TRIM67: variants seen among roughly 807,000 people sequenced by gnomAD.
TRIM67 encodes the protein tripartite motif-containing protein 67.
Under a neutral mutation model 71.0 loss-of-function variants are expected in TRIM67, and 39 were observed. The observed-to-expected ratio is 0.55, with a 90% CI of 0.43 to 0.72. TRIM67 has a LOEUF of 0.72. Ranked by LOEUF, TRIM67 falls within the 30% of genes least tolerant of loss-of-function variation. The pLI is 0.00. For synonymous variants in TRIM67, 481 were observed against 473.9 expected (o/e 1.01, Z -0.19); for missense variants, 973 against 1,079.2 (o/e 0.90, Z 1.38).
intron 1 of TRIM67, among the ~76,000 whole-genome samples, chr1:231,192,540 A>G (rs1683258869): frequency 6.6e-6 from 1 of 152,184 alleles, no homozygotes; most frequent in South Asian, 2.1e-4. Flanking sequence ...CTCTTTTTCC[A>G]CTAGAATTAT....
In TRIM67 at chr1:231,213,805, C is replaced by T. The variant is rs775772686; in HGVS notation, c.2124-10C>T. The stretch of plus-strand genomic sequence containing the variant: ...TGTGGTGATGGTCTTCCTGGGGACT[C>T]TCTTCCCAGGACGGAAGGTGGCGTG... On this transcript the variant is annotated splice_polypyrimidine_tract_variant and intron_variant, in intron 8 of 9. Coordinates refer to ENST00000366653, the MANE Select transcript of TRIM67 (RefSeq NM_001004342.5). 1.9e-6 allele frequency: 3 copies of T among 1,572,930 alleles called. No individual in the cohort carries two copies. The Admixed American group carries it at 5.4e-5, about 28-fold the overall frequency.
chr1:231,200,313 C>T (rs910319497), intron 4 of TRIM67, 55 bp downstream of exon 4: 13 of 1,200,356 alleles, frequency 1.1e-5, no homozygotes, highest in African/African-American at 9.0e-5. Context: ...TCCCACTGTT[C>T]CCCAAATCAG....
intron 1 of TRIM67, chr1:231,187,492 A>G: frequency 6.6e-7 from 1 of 1,507,590 alleles, no homozygotes; most frequent in Non-Finnish European, 8.8e-7. Context: ...ATTATCAGCC[A>G]CAGGTTAAAA....
intron 1 of TRIM67, among the ~76,000 whole-genome samples, chr1:231,188,789 C>A (rs1198554469): frequency 6.6e-6 from 1 of 152,152 alleles, no homozygotes; most frequent in Non-Finnish European, 1.5e-5. Context: ...ACTTAGCAAG[C>A]TGTCGGTTGT....
intron 9 of TRIM67, among the ~76,000 whole-genome samples, chr1:231,214,211 G>A (rs1170146615): frequency 2.0e-5 from 3 of 152,180 alleles, no homozygotes; most frequent in Non-Finnish European, 4.4e-5. Context: ...CAGACCTCAG[G>A]ACTGAGCTCA....
intron 1 of TRIM67, among the ~76,000 whole-genome samples, chr1:231,194,544 G>A (rs1384114101): frequency 1.3e-5 from 2 of 152,172 alleles, no homozygotes; most frequent in African/African-American, 2.4e-5. Flanking sequence ...AAGGAGAAGG[G>A]AGAGCTCCTC....
At chr1:231,214,137 C>A (rs115340471) in intron 9 of TRIM67, among the ~76,000 whole-genome samples, 160 bp downstream of exon 9, 1,911 of 152,284 alleles carry the variant, frequency 0.013, 50 homozygotes, top group African/African-American at 0.044. Flanking sequence ...TTCCTGGAGG[C>A]GTTCCGTTCT....
At position 231,216,783 on chromosome 1, in the gene TRIM67, C is replaced by G; in HGVS notation, c.*1343C>G. The G allele has an allele frequency of 1.0e-6, 1 of 985,528 alleles. No individual in the cohort carries two copies. The highest frequency in any genetic ancestry group is 4.7e-5 in the South Asian group (1 of 21,288). The allele number at this position is 985,528 out of a possible 1,614,324, so 61.0% of individuals were successfully genotyped here. On this transcript the variant is annotated 3_prime_UTR_variant, in exon 10 of 10. Transcript: ENST00000366653. ...GAGATCCACATTGATTCATCCACAC[C>G]TCTCAGAGACAGCTCATGGCAGGGG...
chr1:231,193,503 G>T (rs78663657), intron 1 of TRIM67, among the ~76,000 whole-genome samples: 3 of 81,996 alleles, frequency 3.7e-5, no homozygotes, highest in Admixed American at 1.6e-4. Context: ...TCTCTCTCAA[G>T]CTCTCTCTCT....
rs1028641111 is a variant in TRIM67, at chr1:231,219,131, C to T, written c.*3691C>T. On this transcript the variant is annotated 3_prime_UTR_variant, in exon 10 of 10. Coordinates refer to ENST00000366653, the MANE Select transcript of TRIM67 (RefSeq NM_001004342.5). ...AGGGTCAATCCTTAGGGGGAGTCAA[C>T]ATGTGAATGCTAAAGAACACTGCTG... 1.7e-5 allele frequency: 17 copies of T among 985,328 alleles called. No individual in the cohort carries two copies. The highest frequency in any genetic ancestry group is 1.8e-5 in the Non-Finnish European group (15 of 830,000). The allele number at this position is 985,328 out of a possible 1,614,324, so 61.0% of individuals were successfully genotyped here. A position where few individuals can be genotyped will look rare whatever the true frequency, so the allele number is the denominator to read the frequency against.
At chr1:231,176,912 A>AAAC (rs1682765200) in intron 1 of TRIM67, among the ~76,000 whole-genome samples, 4 of 150,048 alleles carry the variant, frequency 2.7e-5, no homozygotes, top group African/African-American at 1.0e-4. Flanking sequence ...CTGGCAAAAA[A>AAAC]AAAAAAAAAA....
Position 231,220,171 on chromosome 1 carries a change from G to A in TRIM67, c.*4731G>A. ...ATTCAGTGACTCAAACCTGTGGGGG[G>A]CGTTCCAGTGTTCTCTGACCAGTGT... On this transcript the variant is annotated 3_prime_UTR_variant, in exon 10 of 10. Transcript: ENST00000366653. 1 of 375,462 alleles carries A rather than the reference G, an allele frequency of 2.7e-6. No individual in the cohort carries two copies. Among genetic ancestry groups the A allele is most frequent in the Non-Finnish European group, 5.1e-6 (1 of 196,448 alleles). The allele number at this position is 375,462 out of a possible 1,614,324, so 23.3% of individuals were successfully genotyped here.
rs1345381478 is a variant in TRIM67 at position 231,220,192 on chromosome 1, A to G, written c.*4752A>G. 1 of 350,566 alleles carries G rather than the reference A, an allele frequency of 2.9e-6. No individual in the cohort carries two copies. Among genetic ancestry groups the G allele is most frequent in the African/African-American group, 2.1e-5 (1 of 46,638 alleles). 21.7% of individuals were successfully genotyped at this position (350,566 alleles called of 1,614,324 possible). ...GGGGGCGTTCCAGTGTTCTCTGACCAGTGTCTTCCATCCAAGCCTCCTTGT... is the reference window on the plus strand; with the variant it reads ...GGGGGCGTTCCAGTGTTCTCTGACCGGTGTCTTCCATCCAAGCCTCCTTGT... On this transcript the variant is annotated 3_prime_UTR_variant, in exon 10 of 10. Transcript: ENST00000366653.
Position 231,209,363 on chromosome 1 carries a change from T to C in TRIM67, c.2123+113T>C. ...AAAGCCAGGAGGAATTGAGAGGAGG[T>C]ATTTTCAGCCACTTTGGTCTCCATT... On this transcript the variant is annotated intron_variant, in intron 8 of 9. Transcript: ENST00000366653. The surrounding 1 kb of genome is among the most constrained non-coding windows in gnomAD (Gnocchi z 4.1). 1 of 1,229,848 alleles carries C rather than the reference T, an allele frequency of 8.1e-7. No homozygotes were observed. The highest frequency in any genetic ancestry group is 1.1e-6 in the Non-Finnish European group (1 of 912,756). The allele number at this position is 1,229,848 out of a possible 1,614,324, so 76.2% of individuals were successfully genotyped here.
chr1:231,169,409 C>T (rs1429836882), intron 1 of TRIM67, among the ~76,000 whole-genome samples: 3 of 115,502 alleles, frequency 2.6e-5, no homozygotes, highest in Non-Finnish European at 3.4e-5. Flanking sequence ...AACGTTTCTG[C>T]TCTTATAACC....
intron 7 of TRIM67, among the ~76,000 whole-genome samples, chr1:231,207,734 T>A (rs1359772188): frequency 1.3e-5 from 2 of 152,210 alleles, no homozygotes; most frequent in African/African-American, 4.8e-5. Context: ...AGAGTCACTT[T>A]GTACACCCCT....
chr1:231,209,144 G>C lies in TRIM67; in HGVS notation c.2017G>C (p.Ala673Pro). 6.2e-7 allele frequency: 1 copy of C among 1,613,870 alleles called. No individual in the cohort carries two copies. Among genetic ancestry groups the C allele is most frequent in the Non-Finnish European group, 8.5e-7 (1 of 1,179,828 alleles). ...HPDPAFGVARASVVKDMMLGK... is the reference protein window; with the variant it reads ...HPDPAFGVARPSVVKDMMLGK... ...AGACCCCGCCTTCGGGGTGGCCAGG[G>C]CCAGCGTGGTCAAGGACATGATGCT... is the stretch of plus-strand genomic sequence containing the variant. The change falls in exon 8 of 10, where the codon GCC becomes CCC. Residue 673 changes from alanine to proline, a missense_variant. This residue lies in a region of TRIM67 where 178 missense variants were observed against 247.9 expected (regional missense o/e 0.72). Coordinates refer to ENST00000366653, the MANE Select transcript of TRIM67 (RefSeq NM_001004342.5). This position sits in a 1 kb window ranked among gnomAD's most constrained non-coding sequence, Gnocchi z 4.1.
At chr1:231,207,738 C>T (rs942380097) in intron 7 of TRIM67, among the ~76,000 whole-genome samples, 1 of 152,196 alleles carries the variant, frequency 6.6e-6, no homozygotes, top group Non-Finnish European at 1.5e-5. Flanking sequence ...TCACTTTGTA[C>T]ACCCCTAGAG....
At chr1:231,181,463 G>C (rs999501073) in intron 1 of TRIM67, among the ~76,000 whole-genome samples, 2 of 152,154 alleles carry the variant, frequency 1.3e-5, no homozygotes, top group African/African-American at 2.4e-5. Flanking sequence ...TTCCAAGTTG[G>C]GGGGTGGTGT....
Sources: allele counts gnomAD v4.1 joint callset (sites outside exome capture counted in the v4.1 genomes callset), GRCh38; gene constraint gnomAD v4.1.1; regional missense constraint gnomAD v4.1.1; non-coding constraint Gnocchi (gnomAD v3.1); transcripts MANE v1.5; gene names NCBI Gene and HGNC (gene_info 2026-07-23, HGNC 2026-07-21).